Variants in RALGPS1 observed in about 807,000 individuals in gnomAD.
RALGPS1 encodes the protein ras-specific guanine nucleotide-releasing factor RalGPS1.
A neutral mutation model predicts 78.8 loss-of-function variants in RALGPS1; 19 were observed. The ratio of observed to expected loss-of-function variants is 0.24; its 90% CI spans 0.17 to 0.35. RALGPS1 has a LOEUF of 0.35. Ranked by LOEUF, RALGPS1 falls within the 10% of genes least tolerant of loss-of-function variation. The pLI, the probability that RALGPS1 is intolerant of heterozygous loss-of-function variation, is 1.00. For synonymous variants in RALGPS1, 228 were observed against 256.3 expected (o/e 0.89, Z 1.06); for missense variants, 454 against 688.3 (o/e 0.66, Z 3.81).
At chr9:127,029,893 G>T (rs1333446453) in intron 4 of RALGPS1, among the ~76,000 whole-genome samples, 2 of 152,184 alleles carry the variant, frequency 1.3e-5, no homozygotes, top group African/African-American at 4.8e-5. Context: ...CTCATGGTGG[G>T]GTGGCCCAGA....
intron 8 of RALGPS1, among the ~76,000 whole-genome samples, chr9:127,125,425 A>G (rs538012704): frequency 3.3e-5 from 5 of 152,164 alleles, no homozygotes; most frequent in Admixed American, 6.5e-5. Context: ...CTCTCTCACT[A>G]ATCTCGGGCA....
chr9:127,154,272 G>C (rs998639844), intron 8 of RALGPS1, among the ~76,000 whole-genome samples: 1 of 152,260 alleles, frequency 6.6e-6, no homozygotes, highest in East Asian at 1.9e-4. Context: ...ATCTGGCCAG[G>C]CCAAGTGCCT....
intron 4 of RALGPS1, among the ~76,000 whole-genome samples, chr9:127,005,746 G>A (rs1052109093): frequency 1.3e-5 from 2 of 152,204 alleles, no homozygotes; most frequent in Non-Finnish European, 2.9e-5. Flanking sequence ...ATTCATTCAT[G>A]ACTTGGCTTA....
At chr9:127,133,477 T>C (rs1281153) in intron 8 of RALGPS1, among the ~76,000 whole-genome samples, 71,144 of 152,178 alleles carry the variant, frequency 0.47, 17,306 homozygotes, top group Non-Finnish European at 0.52. Flanking sequence ...GAGCCGCCTT[T>C]GCCTGCAAAT....
intron 8 of RALGPS1, among the ~76,000 whole-genome samples, chr9:127,114,975 C>G (rs749056501): frequency 6.6e-6 from 1 of 152,140 alleles, no homozygotes; most frequent in Non-Finnish European, 1.5e-5. Context: ...AGTATCCAAA[C>G]CAGTTGGTAA....
chr9:127,088,009 G>A (rs1427729154), intron 8 of RALGPS1: 1 of 152,618 alleles, frequency 6.6e-6, no homozygotes, highest in Non-Finnish European at 1.5e-5. Context: ...CCAGAAACCT[G>A]GAGCCCGGAG....
intron 1 of RALGPS1, among the ~76,000 whole-genome samples, chr9:126,923,964 G>A (rs2130897830): frequency 6.6e-6 from 1 of 152,292 alleles, no homozygotes; most frequent in South Asian, 2.1e-4. Flanking sequence ...GGGACACTTT[G>A]GCAATGAGCA....
At chr9:126,971,102 TC>T (rs147393632) in intron 3 of RALGPS1, among the ~76,000 whole-genome samples, 2 of 152,238 alleles carry the variant, frequency 1.3e-5, no homozygotes, top group Non-Finnish European at 2.9e-5. Context: ...GGAAACTTTT[TC>T]ACATGAAAAT....
chr9:127,119,244 T>C (rs2055788094), intron 8 of RALGPS1, among the ~76,000 whole-genome samples: 1 of 152,184 alleles, frequency 6.6e-6, no homozygotes, highest in Non-Finnish European at 1.5e-5. Flanking sequence ...GTAACAGTCA[T>C]GCCTATTTTG....
chr9:127,097,353 T>C (rs935760299), intron 8 of RALGPS1, among the ~76,000 whole-genome samples: 1 of 152,282 alleles, frequency 6.6e-6, no homozygotes, highest in Admixed American at 6.5e-5. Context: ...AAATGTTTAG[T>C]ATTTTCTGCT....
chr9:127,004,313 T>G (rs977935526), intron 4 of RALGPS1, among the ~76,000 whole-genome samples: 4 of 152,102 alleles, frequency 2.6e-5, no homozygotes, highest in Admixed American at 2.0e-4. Context: ...ACCCGGCCAA[T>G]TTTTGTATTT....
At position 127,018,955 on chromosome 9, in the gene RALGPS1, C is replaced by A. The variant is rs2045174350; in HGVS notation, c.217-15476C>A. 3.3e-5 allele frequency among the ~76,000 whole-genome samples: 5 copies of A among 152,234 alleles called. No individual in the cohort carries two copies. The South Asian group carries it at 1.0e-3, about 32-fold the overall frequency. On this transcript the variant is annotated intron_variant, in intron 4 of 18. Transcript: ENST00000259351. ...CATTGTTGACCAAAATGTCGTTCTG[C>A]AGTACATGACTATATTGAGTTAAAT...
At chr9:126,925,692 T>C (rs781342397) in intron 1 of RALGPS1, among the ~76,000 whole-genome samples, 8 of 152,054 alleles carry the variant, frequency 5.3e-5, no homozygotes, top group Admixed American at 1.3e-4. Context: ...CTGGGCAACA[T>C]AGACCCTATC....
At chr9:127,143,753 G>A (rs1437411522) in intron 8 of RALGPS1, among the ~76,000 whole-genome samples, 3 of 152,178 alleles carry the variant, frequency 2.0e-5, no homozygotes, top group Non-Finnish European at 2.9e-5. Flanking sequence ...CAGAGTTAAC[G>A]TTAAGTCATG....
At position 126,939,922 on chromosome 9, in the gene RALGPS1, G is replaced by T. The variant is rs897980417; in HGVS notation, c.-65-22303G>T. Among the ~76,000 whole-genome samples, 6 of 152,226 alleles carry T rather than the reference G, an allele frequency of 3.9e-5. No homozygotes were observed. The East Asian group carries it at 1.2e-3, about 29-fold the overall frequency. On this transcript the variant is annotated intron_variant, in intron 1 of 18. Transcript: ENST00000259351. Reference sequence around the variant, plus strand: ...CAGTATTCTAGGTAGAGTCCTCTGCGATCAAAGTCACTTCCTGCTCACCTA... The same window carrying T: ...CAGTATTCTAGGTAGAGTCCTCTGCTATCAAAGTCACTTCCTGCTCACCTA...
chr9:127,118,634 A>G (rs1313050331), intron 8 of RALGPS1, among the ~76,000 whole-genome samples: 1 of 152,132 alleles, frequency 6.6e-6, no homozygotes, highest in Non-Finnish European at 1.5e-5. Flanking sequence ...AGCACCACCC[A>G]CCTTGAGGAC....
chr9:127,062,296 C>T (rs1204254564), intron 7 of RALGPS1, among the ~76,000 whole-genome samples: 2 of 152,122 alleles, frequency 1.3e-5, no homozygotes, highest in African/African-American at 4.8e-5. Context: ...GACGGGGTTT[C>T]ACCGTGTTTG....
At chr9:127,010,779 G>A (rs2044269019) in intron 4 of RALGPS1, among the ~76,000 whole-genome samples, 1 of 152,228 alleles carries the variant, frequency 6.6e-6, no homozygotes, top group African/African-American at 2.4e-5. Flanking sequence ...GCAGCCTTTA[G>A]TTTTACATGA....
intron 4 of RALGPS1, among the ~76,000 whole-genome samples, chr9:127,013,005 G>A (rs779872394): frequency 1.2e-4 from 19 of 152,186 alleles, no homozygotes; most frequent in Non-Finnish European, 2.2e-4. Flanking sequence ...TATATGGGAG[G>A]GGAGCCAATA....
Sources: gnomAD v4.1 joint callset for allele counts (sites outside exome capture counted in the v4.1 genomes callset) on GRCh38, gnomAD v4.1.1 for gene constraint, MANE v1.5 for transcripts, NCBI Gene and HGNC (gene_info 2026-07-23, HGNC 2026-07-21) for gene names.